Variants in COL22A1 observed in about 807,000 individuals in gnomAD.
COL22A1 encodes the protein collagen alpha-1(XXII) chain.
In COL22A1, 221 loss-of-function variants were observed where a neutral mutation model predicts 248.9. The observed-to-expected ratio is 0.89, with a 90% CI of 0.80 to 0.99. COL22A1 has a LOEUF of 0.99. Among genes scored for constraint, COL22A1 ranks in the 50% least tolerant of loss-of-function variants. COL22A1 has a pLI of 0.00. For synonymous variants in COL22A1, 891 were observed against 793.4 expected (o/e 1.12, Z -2.07); for missense variants, 2,240 against 2,179.0 (o/e 1.03, Z -0.56).
At chr8:138,720,818 A>C in intron 26 of COL22A1, 26 bp from the exon 27 acceptor site, 1 of 1,580,586 alleles carries the variant, frequency 6.3e-7, no homozygotes, top group Non-Finnish European at 8.7e-7. Flanking sequence ...AGCAAAGTTA[A>C]CAGGAGACGG....
intron 58 of COL22A1, among the ~76,000 whole-genome samples, chr8:138,605,713 G>A (rs959401672): frequency 6.6e-6 from 1 of 152,104 alleles, no homozygotes; most frequent in African/African-American, 2.4e-5. Flanking sequence ...ACTGCAATAT[G>A]CAGATGACAC....
intron 7 of COL22A1, among the ~76,000 whole-genome samples, chr8:138,817,936 A>G (rs1163698533): frequency 6.6e-6 from 1 of 152,178 alleles, no homozygotes; most frequent in East Asian, 1.9e-4. Context: ...TGTTTAACTC[A>G]AAGGCTAAGA....
intron 3 of COL22A1, among the ~76,000 whole-genome samples, chr8:138,872,321 A>T (rs77377108): frequency 0.051 from 7,788 of 152,198 alleles, 570 homozygotes; most frequent in African/African-American, 0.16. Context: ...GGAGAGAGAA[A>T]ACACCACGGG....
intron 32 of COL22A1, among the ~76,000 whole-genome samples, chr8:138,697,643 G>A (rs546738956): frequency 6.6e-6 from 1 of 152,232 alleles, no homozygotes; most frequent in South Asian, 2.1e-4. Flanking sequence ...AAAATGAGTC[G>A]GGCTTCTCCC....
chr8:138,651,417 TAACC>T (rs1380222680), intron 45 of COL22A1, among the ~76,000 whole-genome samples: 1 of 152,228 alleles, frequency 6.6e-6, no homozygotes, highest in East Asian at 1.9e-4. Context: ...CCCAACTAAC[TAACC>T]AACTGACTGA....
In COL22A1 at chr8:138,664,203, GCGCGCGCACA is replaced by G. The variant is rs1258348969; in HGVS notation, c.3151-473_3151-464del. 6.7e-4 allele frequency among the ~76,000 whole-genome samples: 60 copies of G among 90,176 alleles called. 1 individual carries two copies. Among genetic ancestry groups the G allele is most frequent in the East Asian group, 1.2e-3 (4 of 3,260 alleles). 59.2% of individuals were successfully genotyped at this position (90,176 alleles called of 152,430 possible). ...CTTCTCCAACAAGGGGTGCGCGCGC[GCGCGCGCACA>G]CACACACACACACACACACACACAC... On this transcript the variant is annotated intron_variant, in intron 41 of 64. Coordinates refer to ENST00000303045, the MANE Select transcript of COL22A1 (RefSeq NM_152888.3).
At chr8:138,857,052 C>A (rs975795543) in intron 3 of COL22A1, among the ~76,000 whole-genome samples, 1 of 152,064 alleles carries the variant, frequency 6.6e-6, no homozygotes, top group Non-Finnish European at 1.5e-5. Flanking sequence ...CCCTGCCTGT[C>A]CCCTCCTGGC....
At chr8:138,634,957 G>T in intron 49 of COL22A1, 53 bp downstream of exon 49, 2 of 1,174,928 alleles carry the variant, frequency 1.7e-6, no homozygotes, top group South Asian at 1.2e-5. Flanking sequence ...GAGTTGAGAT[G>T]TGCATTCAAA....
intron 41 of COL22A1, among the ~76,000 whole-genome samples, chr8:138,664,209 G>GCGCGCGCACACACACACACACACACA (rs1440442280): frequency 9.7e-6 from 1 of 103,158 alleles, no homozygotes; most frequent in Non-Finnish European, 1.9e-5. Flanking sequence ...GCGCGCGCGC[G>GCGCGCGCACACACACACACACACACA]CACACACACA....
intron 44 of COL22A1, among the ~76,000 whole-genome samples, chr8:138,657,572 T>C (rs141935318): frequency 1.4e-3 from 216 of 152,340 alleles, no homozygotes; most frequent in African/African-American, 5.1e-3. Flanking sequence ...CTCATTTCTG[T>C]AAACCTCACA....
At chr8:138,694,337 TG>T (rs1827324009) in intron 34 of COL22A1, among the ~76,000 whole-genome samples, 170 bp downstream of exon 34, 1 of 152,134 alleles carries the variant, frequency 6.6e-6, no homozygotes, top group Admixed American at 6.5e-5. Flanking sequence ...TGGCTGTGTC[TG>T]GGGCGTTTAG....
chr8:138,762,526 C>A, intron 16 of COL22A1, 60 bp from the exon 17 acceptor site: 3 of 1,499,308 alleles, frequency 2.0e-6, no homozygotes, highest in Non-Finnish European at 2.8e-6. Context: ...AGCAGCCCAG[C>A]ACACATCCCC....
chr8:138,693,533 TG>T, intron 35 of COL22A1, 112 bp downstream of exon 35: 1 of 1,126,348 alleles, frequency 8.9e-7, no homozygotes, highest in Non-Finnish European at 1.3e-6. Context: ...GTGAACCTTC[TG>T]GGCCACGTCC....
intron 11 of COL22A1, among the ~76,000 whole-genome samples, chr8:138,797,564 T>C (rs1816653101): frequency 6.6e-6 from 1 of 152,228 alleles, no homozygotes; most frequent in South Asian, 2.1e-4. Context: ...AAAGTTTTTG[T>C]GTAAACATAT....
intron 56 of COL22A1, among the ~76,000 whole-genome samples, chr8:138,611,383 A>G (rs1335939150): frequency 1.3e-5 from 2 of 152,162 alleles, no homozygotes; most frequent in Non-Finnish European, 2.9e-5. Context: ...AATACAGGAG[A>G]GGAGGAAATC....
In COL22A1 at chr8:138,883,216, G is replaced by C; in HGVS notation, c.-44C>G. The stretch of plus-strand genomic sequence containing the variant: ...GACAGGCTTCTCTTGGCCAGGAAGA[G>C]ACGCTGTTAGGGTCTACAGCAGCAT... On this transcript the variant is annotated 5_prime_UTR_variant, in exon 2 of 65. Transcript: ENST00000303045. 6.5e-7 allele frequency: 1 copy of C among 1,534,830 alleles called. No homozygotes were observed. The highest frequency in any genetic ancestry group is 1.4e-5 in the African/African-American group (1 of 72,996).
Position 138,679,609 on chromosome 8 carries a change from T to C in COL22A1, c.3072+8A>G, listed in dbSNP as rs369011555. ...TTTTTGCAAATGTTTGCATAGATCT[T>C]CACTGACCTTAACACATTGCCCTCC... On this transcript the variant is annotated splice_region_variant and intron_variant, in intron 40 of 64. Transcript: ENST00000303045. The C allele has an allele frequency of 6.2e-7, 1 of 1,613,370 alleles. No homozygotes were observed. Among genetic ancestry groups the C allele is most frequent in the Non-Finnish European group, 8.5e-7 (1 of 1,179,354 alleles).
At chr8:138,794,847 C>T (rs1418933840) in intron 12 of COL22A1, among the ~76,000 whole-genome samples, 7 of 152,048 alleles carry the variant, frequency 4.6e-5, no homozygotes, top group Admixed American at 4.6e-4. Context: ...ATATGAAGTA[C>T]CTAAAATAGT....
At chr8:138,767,370 G>A (rs1287886399) in intron 16 of COL22A1, among the ~76,000 whole-genome samples, 3 of 152,152 alleles carry the variant, frequency 2.0e-5, no homozygotes, top group Non-Finnish European at 4.4e-5. Context: ...GGAGAGCACT[G>A]AGTAAGGAGT....
Sources: allele counts gnomAD v4.1 joint callset (sites outside exome capture counted in the v4.1 genomes callset), GRCh38; gene constraint gnomAD v4.1.1; transcripts MANE v1.5; gene names NCBI Gene and HGNC (gene_info 2026-07-23, HGNC 2026-07-21).